The following ANTXR1 variants were observed in gnomAD, a reference collection of about 807,000 sequenced individuals.
ANTXR1 encodes the protein ANTXR cell adhesion molecule 1, also known as anthrax toxin receptor 1.
ANTXR1 carries 19 observed loss-of-function variants against 78.1 expected under a neutral mutation model. That is an observed-to-expected ratio of 0.24 (90% confidence interval 0.17 to 0.36). ANTXR1 has a LOEUF of 0.36. ANTXR1 is among the 10% of genes least tolerant of loss of function. The pLI is 1.00. For missense variants in ANTXR1, 518 were observed against 718.6 expected, an observed-to-expected ratio of 0.72 and a Z score of 3.19; for synonymous variants, 273 against 260.5, an observed-to-expected ratio of 1.05 and a Z score of -0.46.
intron 1 of ANTXR1, among the ~76,000 whole-genome samples, chr2:69,017,566 C>G (rs1193198551): frequency 6.6e-6 from 1 of 152,132 alleles, no homozygotes; most frequent in African/African-American, 2.4e-5. Context: ...TTTTCTCAAC[C>G]AGGAGCAAAG....
At chr2:69,122,120 C>G (rs1176254557) in intron 10 of ANTXR1, among the ~76,000 whole-genome samples, 1 of 152,168 alleles carries the variant, frequency 6.6e-6, no homozygotes, top group Non-Finnish European at 1.5e-5. Context: ...AGAACTTGAC[C>G]AAACTTTCTA....
chr2:69,156,283 A>T (rs1007212363), intron 13 of ANTXR1, among the ~76,000 whole-genome samples: 2 of 152,182 alleles, frequency 1.3e-5, no homozygotes, highest in Admixed American at 1.3e-4. Flanking sequence ...CTGTGCTGTC[A>T]GAAATCCTTG....
At chr2:69,078,902 T>A (rs1670817786) in intron 8 of ANTXR1, among the ~76,000 whole-genome samples, 1 of 152,124 alleles carries the variant, frequency 6.6e-6, no homozygotes, top group African/African-American at 2.4e-5. Flanking sequence ...TCCCAAGAGA[T>A]TCTATTGCAT....
intron 9 of ANTXR1, among the ~76,000 whole-genome samples, chr2:69,096,616 A>G (rs1271580247): frequency 2.0e-5 from 3 of 152,056 alleles, no homozygotes; most frequent in African/African-American, 4.8e-5. Context: ...CTGGCAGCCT[A>G]CAAGTCCTAT....
At chr2:69,174,166 G>A (rs895171047) in intron 14 of ANTXR1, among the ~76,000 whole-genome samples, 1 of 152,170 alleles carries the variant, frequency 6.6e-6, no homozygotes, top group Non-Finnish European at 1.5e-5. Context: ...GCAAATCAAG[G>A]TCTTAGAATC....
At chr2:69,226,962 A>G (rs1462234708) in intron 17 of ANTXR1, among the ~76,000 whole-genome samples, 2 of 152,152 alleles carry the variant, frequency 1.3e-5, no homozygotes, top group African/African-American at 4.8e-5. Context: ...CAGACATTTA[A>G]TTAGTGCAGG....
chr2:69,212,330 G>T (rs1229588124), intron 17 of ANTXR1, among the ~76,000 whole-genome samples: 2 of 152,122 alleles, frequency 1.3e-5, no homozygotes, highest in African/African-American at 4.8e-5. Context: ...GTAGGTAAGA[G>T]GCAAAGCCCA....
At chr2:69,166,125 A>G (rs1353307368) in intron 13 of ANTXR1, among the ~76,000 whole-genome samples, 4 of 152,156 alleles carry the variant, frequency 2.6e-5, no homozygotes, top group Non-Finnish European at 4.4e-5. Context: ...CCAACAGCCA[A>G]ACTCAGGAGT....
At chr2:69,219,421 A>ACACACACACC (rs1305493104) in intron 17 of ANTXR1, among the ~76,000 whole-genome samples, 7 of 150,094 alleles carry the variant, frequency 4.7e-5, no homozygotes, top group South Asian at 2.1e-4. Flanking sequence ...ACACACACAC[A>ACACACACACC]CCCTACTGAT....
intron 10 of ANTXR1, among the ~76,000 whole-genome samples, chr2:69,114,688 A>G (rs937618577): frequency 2.0e-5 from 3 of 152,156 alleles, no homozygotes; most frequent in Non-Finnish European, 2.9e-5. Flanking sequence ...TATAAGGCCC[A>G]TTGCTGGAGT....
At chr2:69,239,268 G>A (rs1351418524) in intron 17 of ANTXR1, among the ~76,000 whole-genome samples, 1 of 152,130 alleles carries the variant, frequency 6.6e-6, no homozygotes, top group Non-Finnish European at 1.5e-5. Flanking sequence ...GGTTTCAAAG[G>A]AATTCAAATT....
chr2:69,111,014 C>T (rs1671963708), intron 10 of ANTXR1, among the ~76,000 whole-genome samples: 1 of 152,144 alleles, frequency 6.6e-6, no homozygotes, highest in South Asian at 2.1e-4. Flanking sequence ...TTCTTCTTTC[C>T]ATCTATCTGT....
At chr2:69,070,522 TTTTGGGGAATTACTGGGAC>T in intron 3 of ANTXR1, 106 bp from the exon 4 acceptor site, 1 of 868,046 alleles carries the variant, frequency 1.2e-6, no homozygotes, top group Non-Finnish European at 2.0e-6. Context: ...TTTGATAGGC[TTTTGGGGAATTACTGGGAC>T]TAGACAGCAG....
At chr2:69,058,186 G>A (rs568438698) in intron 3 of ANTXR1, among the ~76,000 whole-genome samples, 3 of 152,336 alleles carry the variant, frequency 2.0e-5, no homozygotes, top group Admixed American at 6.5e-5. Flanking sequence ...AGCTAAGATC[G>A]TTGGTGAAGG....
At chr2:69,141,156 C>T (rs1333816313) in intron 12 of ANTXR1, among the ~76,000 whole-genome samples, 1 of 152,144 alleles carries the variant, frequency 6.6e-6, no homozygotes, top group Admixed American at 6.5e-5. Flanking sequence ...AGAGTTTGTA[C>T]AGGGTTGTTC....
intron 12 of ANTXR1, among the ~76,000 whole-genome samples, chr2:69,148,391 C>T (rs1180586037): frequency 1.3e-5 from 2 of 152,178 alleles, no homozygotes; most frequent in African/African-American, 4.8e-5. Flanking sequence ...GTGCTAGTTC[C>T]CAGACACTCG....
intron 17 of ANTXR1, among the ~76,000 whole-genome samples, chr2:69,228,494 C>T (rs909304039): frequency 1.1e-4 from 16 of 152,204 alleles, no homozygotes; most frequent in African/African-American, 1.9e-4. Flanking sequence ...TATCTTCACT[C>T]GGTCACTTAC....
At chr2:69,105,955 C>T (rs1671794436) in intron 10 of ANTXR1, among the ~76,000 whole-genome samples, 1 of 152,058 alleles carries the variant, frequency 6.6e-6, no homozygotes, top group Non-Finnish European at 1.5e-5. Flanking sequence ...GTCAAAAGAA[C>T]AAATTAAAAA....
Position 69,096,254 on chromosome 2 carries a change from T to G in ANTXR1, c.703+5335T>G, listed in dbSNP as rs1002369042. ...GCCTGGGCAACAGAGCGAGACTCCG[T>G]CAAAAGGAAGGAAGGAAGGAAGGAA... is the stretch of plus-strand genomic sequence containing the variant. On this transcript the variant is annotated intron_variant, in intron 9 of 17. Coordinates refer to ENST00000303714, the MANE Select transcript of ANTXR1 (RefSeq NM_032208.3). 7.3e-5 allele frequency among the ~76,000 whole-genome samples: 9 copies of G among 123,582 alleles called. No homozygotes were observed. The East Asian group carries it at 1.1e-3, about 15-fold the overall frequency. The allele number at this position is 123,582 out of a possible 152,430, so 81.1% of individuals were successfully genotyped here. A position where few individuals can be genotyped will look rare whatever the true frequency, so the allele number is the denominator to read the frequency against.
Sources: allele counts gnomAD v4.1 joint callset (sites outside exome capture counted in the v4.1 genomes callset), GRCh38; gene constraint gnomAD v4.1.1; transcripts MANE v1.5; gene names NCBI Gene and HGNC (gene_info 2026-07-23, HGNC 2026-07-21).